ADAM2: variants seen among roughly 807,000 people sequenced by gnomAD.
ADAM2 encodes the protein disintegrin and metalloproteinase domain-containing protein 2.
Under a neutral mutation model 99.3 loss-of-function variants are expected in ADAM2, and 101 were observed. The ratio of observed to expected loss-of-function variants is 1.02; its 90% CI spans 0.87 to 1.20. The LOEUF is 1.20. Ranked by LOEUF, ADAM2 falls within the 50% of genes most tolerant of loss-of-function variation. ADAM2 has a pLI of 0.00. For missense variants in ADAM2, 948 were observed against 878.7 expected, an observed-to-expected ratio of 1.08 and a Z score of -1.00; for synonymous variants, 323 against 287.6, an observed-to-expected ratio of 1.12 and a Z score of -1.25.
chr8:39,776,216 T>C (rs1802981708), intron 11 of ADAM2, among the ~76,000 whole-genome samples: 1 of 152,032 alleles, frequency 6.6e-6, no homozygotes, highest in Non-Finnish European at 1.5e-5. Context: ...TTCATAAAGG[T>C]TTGTTTTCTA....
intron 6 of ADAM2, among the ~76,000 whole-genome samples, chr8:39,812,823 A>G (rs534779385): frequency 3.1e-4 from 47 of 152,278 alleles, no homozygotes; most frequent in African/African-American, 1.1e-3. Context: ...ACCCTAGAAG[A>G]AAACCTAGGC....
At chr8:39,788,466 C>A (rs1211103610) in intron 8 of ADAM2, among the ~76,000 whole-genome samples, 2 of 151,698 alleles carry the variant, frequency 1.3e-5, no homozygotes, top group Non-Finnish European at 3.0e-5. Context: ...GCCCCATACC[C>A]CATGCTTTAT....
Position 39,813,544 on chromosome 8 carries a change from G to T in ADAM2, c.514-4078C>A, listed in dbSNP as rs553080082. Among the ~76,000 whole-genome samples the T allele has an allele frequency of 2.3e-4, 35 of 152,274 alleles. No homozygotes were observed. In the East Asian group the frequency reaches 6.8e-3, roughly 29 times the overall value. On this transcript the variant is annotated intron_variant, in intron 6 of 20. Coordinates refer to ENST00000265708, the MANE Select transcript of ADAM2 (RefSeq NM_001464.5). Reference sequence around the variant, plus strand: ...CCAAATGTCCATCAATGACAGACTGGATAAAGAAAATGTGGCACATACACA... The same window carrying T: ...CCAAATGTCCATCAATGACAGACTGTATAAAGAAAATGTGGCACATACACA...
chr8:39,804,921 G>C (rs73673811), intron 7 of ADAM2, among the ~76,000 whole-genome samples: 27,184 of 151,992 alleles, frequency 0.18, 2,743 homozygotes, highest in East Asian at 0.28. Context: ...TGTGTGGAGT[G>C]ATCATGATTG....
At chr8:39,767,473 G>T (rs2129584139) in intron 12 of ADAM2, among the ~76,000 whole-genome samples, 1 of 152,248 alleles carries the variant, frequency 6.6e-6, no homozygotes, top group Non-Finnish European at 1.5e-5. Context: ...AATAGGTTTG[G>T]TTACACTGAT....
intron 7 of ADAM2, among the ~76,000 whole-genome samples, chr8:39,799,789 T>G (rs960189343): frequency 1.3e-5 from 2 of 152,222 alleles, no homozygotes; most frequent in Admixed American, 1.3e-4. Flanking sequence ...CCTTATGTAG[T>G]GTCCTTCTTT....
Position 39,767,192 on chromosome 8 carries a change from A to G in ADAM2, c.1272T>C (p.Gly424=). 6.2e-7 allele frequency: 1 copy of G among 1,608,548 alleles called. No individual in the cohort carries two copies. Residue 424 remains glycine (G), a synonymous_variant, in exon 13 of 21, where the codon GGT becomes GGC. Transcript: ENST00000265708. ...CDIATCRFKA[G]SNCAEGPCCE... ...AGCATGGTCCTTCAGCACAGTTTGAACCGGCTTTAAATCTACATGTGGCAA... is the reference window on the plus strand; with the variant it reads ...AGCATGGTCCTTCAGCACAGTTTGAGCCGGCTTTAAATCTACATGTGGCAA...
chr8:39,766,648 T>A (rs1802576624), intron 14 of ADAM2, among the ~76,000 whole-genome samples, 200 bp downstream of exon 14: 1 of 152,156 alleles, frequency 6.6e-6, no homozygotes, highest in African/African-American at 2.4e-5. Flanking sequence ...TCTTGGGTGA[T>A]CTGCCCGCCT....
intron 7 of ADAM2, among the ~76,000 whole-genome samples, chr8:39,796,209 A>T (rs1803935295): frequency 6.6e-6 from 1 of 151,602 alleles, no homozygotes; most frequent in Middle Eastern, 3.2e-3. Flanking sequence ...ACCCCACAAC[A>T]GGCCCTGGTA....
intron 3 of ADAM2, among the ~76,000 whole-genome samples, chr8:39,832,355 G>T (rs1044307964): frequency 6.6e-6 from 1 of 152,156 alleles, no homozygotes; most frequent in African/African-American, 2.4e-5. Flanking sequence ...AAGATAGCCT[G>T]GGTAGGGACT....
intron 18 of ADAM2, among the ~76,000 whole-genome samples, chr8:39,748,711 C>G (rs1234413473): frequency 6.6e-6 from 1 of 152,102 alleles, no homozygotes; most frequent in Non-Finnish European, 1.5e-5. Context: ...GTCTTCCAGT[C>G]AGTTTTGATC....
chr8:39,804,221 T>G (rs1029432469), intron 7 of ADAM2, among the ~76,000 whole-genome samples: 1 of 152,214 alleles, frequency 6.6e-6, no homozygotes, highest in African/African-American at 2.4e-5. Context: ...ATTGTGTGCT[T>G]TATTGCAGTT....
chr8:39,837,687 A>AT (rs939574739), intron 1 of ADAM2, among the ~76,000 whole-genome samples: 21 of 151,938 alleles, frequency 1.4e-4, no homozygotes, highest in South Asian at 2.1e-4. Context: ...GCCCGGCCAT[A>AT]TTTTTTTAAA....
At chr8:39,787,869 T>C (rs1414963781) in intron 9 of ADAM2, among the ~76,000 whole-genome samples, 1 of 151,660 alleles carries the variant, frequency 6.6e-6, no homozygotes, top group Non-Finnish European at 1.5e-5. Flanking sequence ...AGAAGTAATA[T>C]GGGAACAAGA....
At chr8:39,822,749 T>C (rs549531362) in intron 4 of ADAM2, among the ~76,000 whole-genome samples, 1 of 150,694 alleles carries the variant, frequency 6.6e-6, no homozygotes, top group Admixed American at 6.6e-5. Flanking sequence ...GAGGTCTGTT[T>C]TTTTTTTGTT....
chr8:39,806,833 G>T (rs1804461376), intron 7 of ADAM2, among the ~76,000 whole-genome samples: 1 of 152,148 alleles, frequency 6.6e-6, no homozygotes, highest in South Asian at 2.1e-4. Flanking sequence ...AACTTTATAG[G>T]ATTATATGAG....
intron 7 of ADAM2, among the ~76,000 whole-genome samples, chr8:39,794,621 A>G (rs908132498): frequency 3.3e-5 from 5 of 152,122 alleles, no homozygotes; most frequent in African/African-American, 1.2e-4. Context: ...CAGGCATTGT[A>G]TGGAAAAGCA....
At chr8:39,828,049 CAAAT>C (rs1175390574) in intron 3 of ADAM2, among the ~76,000 whole-genome samples, 1 of 151,388 alleles carries the variant, frequency 6.6e-6, no homozygotes, top group Non-Finnish European at 1.5e-5. Flanking sequence ...GATTTAATGA[CAAAT>C]AAAAACACAT....
intron 11 of ADAM2, among the ~76,000 whole-genome samples, chr8:39,776,582 A>G (rs964711243): frequency 6.6e-6 from 1 of 152,264 alleles, no homozygotes; most frequent in Non-Finnish European, 1.5e-5. Context: ...CCTGATTAGA[A>G]TACTGCAAAC....
Sources: gnomAD v4.1 joint callset for allele counts (sites outside exome capture counted in the v4.1 genomes callset) on GRCh38, gnomAD v4.1.1 for gene constraint, MANE v1.5 for transcripts, NCBI Gene and HGNC (gene_info 2026-07-23, HGNC 2026-07-21) for gene names.